The following RASSF3 variants were observed in gnomAD, a reference collection of about 807,000 sequenced individuals.
RASSF3 encodes the protein Ras association domain family member 3, also known as ras association domain-containing protein 3.
RASSF3 carries 19 observed loss-of-function variants against 19.9 expected under a neutral mutation model. The observed-to-expected ratio is 0.96, with a 90% CI of 0.67 to 1.40. RASSF3 has a LOEUF of 1.40. RASSF3 is among the 40% of genes most tolerant of loss of function. The probability of loss-of-function intolerance (pLI) is 0.00; values close to 1 mark genes in which losing one functional copy is unlikely to be tolerated. For synonymous variants in RASSF3, 110 were observed against 104.2 expected (o/e 1.06, Z -0.34); for missense variants, 306 against 289.8 (o/e 1.06, Z -0.41).
intron 1 of RASSF3, among the ~76,000 whole-genome samples, chr12:64,652,403 TCCCCCTCCCCCTCC>T (rs940261432): frequency 3.3e-5 from 5 of 150,506 alleles, no homozygotes; most frequent in African/African-American, 1.2e-4. Context: ...TGTTTTTTTC[TCCCCCTCCCCCTCC>T]CCCCCTCCTC....
intron 4 of RASSF3, among the ~76,000 whole-genome samples, chr12:64,692,988 G>A (rs890869342): frequency 2.6e-5 from 4 of 152,142 alleles, no homozygotes; most frequent in African/African-American, 9.7e-5. Flanking sequence ...ACTGAACTGA[G>A]GAAGAAATTT....
intron 2 of RASSF3, among the ~76,000 whole-genome samples, chr12:64,578,845 A>C (rs992261588): frequency 1.3e-5 from 2 of 152,174 alleles, no homozygotes; most frequent in African/African-American, 4.8e-5. Context: ...CATAAACTCT[A>C]TAAAATCATG....
At chr12:64,544,391 C>T (rs1214468024), downstream of RASSF3, among the ~76,000 whole-genome samples, 1 of 152,194 alleles carries the variant, frequency 6.6e-6, no homozygotes, top group East Asian at 1.9e-4. Context: ...TCCAGACATG[C>T]TGCTTTCAAG....
chr12:64,672,434 C>T (rs1311878310), intron 1 of RASSF3, among the ~76,000 whole-genome samples: 4 of 152,098 alleles, frequency 2.6e-5, no homozygotes, highest in Non-Finnish European at 5.9e-5. Context: ...CCATGTTGGC[C>T]AGGCTGATCT....
intron 2 of RASSF3, among the ~76,000 whole-genome samples, chr12:64,562,745 C>T (rs539624998): frequency 2.0e-5 from 3 of 152,178 alleles, no homozygotes; most frequent in Non-Finnish European, 4.4e-5. Context: ...ATCAGCCTCC[C>T]AAGTAGCTAG....
chr12:64,530,132 T>C (rs1868675961), upstream of RASSF3, among the ~76,000 whole-genome samples: 1 of 152,138 alleles, frequency 6.6e-6, no homozygotes, highest in African/African-American at 2.4e-5. Flanking sequence ...CTAAGTAACC[T>C]CTGATCTGCT....
intron 4 of RASSF3, among the ~76,000 whole-genome samples, chr12:64,694,071 C>T (rs1237672049): frequency 6.6e-6 from 1 of 152,106 alleles, no homozygotes; most frequent in Non-Finnish European, 1.5e-5. Flanking sequence ...ATGCGTGCCA[C>T]TTGGGCAGAG....
chr12:64,612,761 C>T (rs1288375461), intron 1 of RASSF3, among the ~76,000 whole-genome samples: 4 of 152,110 alleles, frequency 2.6e-5, no homozygotes, highest in Non-Finnish European at 5.9e-5. Context: ...CAGATGTGAG[C>T]CACCGCCCCC....
intron 2 of RASSF3, among the ~76,000 whole-genome samples, chr12:64,553,082 A>C (rs535544499): frequency 6.6e-6 from 1 of 152,274 alleles, no homozygotes; most frequent in South Asian, 2.1e-4. Flanking sequence ...GGTGCCACAC[A>C]CCAAAGGCCT....
chr12:64,603,955 C>A (rs1371845058), intron 2 of RASSF3, among the ~76,000 whole-genome samples: 2 of 151,996 alleles, frequency 1.3e-5, no homozygotes, highest in African/African-American at 2.4e-5. Context: ...TCAAGCGATT[C>A]TCCTGCCTCA....
chr12:64,688,650 G>A (rs1873455038), intron 3 of RASSF3, among the ~76,000 whole-genome samples, 197 bp downstream of exon 3: 1 of 152,118 alleles, frequency 6.6e-6, no homozygotes, highest in Admixed American at 6.5e-5. Context: ...ACAGTTGAGG[G>A]TCTGAGGAGC....
intron 1 of RASSF3, among the ~76,000 whole-genome samples, chr12:64,631,797 C>T (rs187612910): frequency 2.6e-5 from 4 of 152,150 alleles, no homozygotes; most frequent in Non-Finnish European, 1.5e-5. Flanking sequence ...CTCGTCTCAA[C>T]CTCCTGACCT....
At chr12:64,601,531 C>T (rs184856218) in intron 2 of RASSF3, among the ~76,000 whole-genome samples, 10 of 152,126 alleles carry the variant, frequency 6.6e-5, no homozygotes, top group Admixed American at 6.5e-4. Flanking sequence ...GTTTATTTTA[C>T]TATAAAATTA....
chr12:64,539,820 C>G (rs1351614798), intron 1 of RASSF3, among the ~76,000 whole-genome samples: 2 of 152,042 alleles, frequency 1.3e-5, no homozygotes, highest in Admixed American at 6.6e-5. Context: ...TATTATTCTC[C>G]AACATTATTT....
intron 1 of RASSF3, among the ~76,000 whole-genome samples, chr12:64,641,635 CTCTTTTTT>C (rs1871534309): frequency 1.0e-5 from 1 of 97,962 alleles, no homozygotes; most frequent in African/African-American, 3.9e-5. Flanking sequence ...ATCTCTCTCT[CTCTTTTTT>C]TTTTTTTTTT....
chr12:64,554,822 T>C (rs963379923), intron 2 of RASSF3, among the ~76,000 whole-genome samples: 1 of 152,256 alleles, frequency 6.6e-6, no homozygotes, highest in Non-Finnish European at 1.5e-5. Context: ...AGCAGGACTT[T>C]GCCGCCTTCA....
At chr12:64,677,266 C>T (rs766278722) in intron 1 of RASSF3, among the ~76,000 whole-genome samples, 81 of 152,204 alleles carry the variant, frequency 5.3e-4, no homozygotes, top group Non-Finnish European at 8.8e-4. Flanking sequence ...ATGGACAGCA[C>T]GGTCACAGGA....
At chr12:64,684,597 A>C (rs1873273425) in intron 1 of RASSF3, among the ~76,000 whole-genome samples, 190 bp from the exon 2 acceptor site, 1 of 151,726 alleles carries the variant, frequency 6.6e-6, no homozygotes, top group Admixed American at 6.6e-5. Context: ...ATGCCCAGCT[A>C]ATTTCGTAAT....
upstream of RASSF3, among the ~76,000 whole-genome samples, chr12:64,532,154 C>T (rs1574500): frequency 0.042 from 6,440 of 152,276 alleles, 512 homozygotes; most frequent in East Asian, 0.22. Context: ...CACAAGTCAA[C>T]GGCAACACTG....
Sources: allele counts gnomAD v4.1 joint callset (sites outside exome capture counted in the v4.1 genomes callset), GRCh38; gene constraint gnomAD v4.1.1; transcripts MANE v1.5; gene names NCBI Gene and HGNC (gene_info 2026-07-23, HGNC 2026-07-21).